HMCN1: variants seen among roughly 807,000 people sequenced by gnomAD.
The protein encoded by HMCN1 is hemicentin 1.
Under a neutral mutation model 625.9 loss-of-function variants are expected in HMCN1, and 321 were observed. That is an observed-to-expected ratio of 0.51 (90% CI 0.47 to 0.56). HMCN1 has a LOEUF of 0.56. Among genes scored for constraint, HMCN1 ranks in the 20% least tolerant of loss-of-function variants. HMCN1 has a pLI of 0.00. For missense variants in HMCN1, 6,588 were observed against 6,887.3 expected (o/e 0.96, Z 1.54); for synonymous variants, 2,425 against 2,417.6 (o/e 1.00, Z -0.09).
chr1:185,923,835 C>G (rs925098316), intron 8 of HMCN1, among the ~76,000 whole-genome samples, 182 bp downstream of exon 8: 2 of 152,118 alleles, frequency 1.3e-5, no homozygotes, highest in East Asian at 3.8e-4. Flanking sequence ...ATAGCACATC[C>G]AAAGTTTCAT....
intron 10 of HMCN1, among the ~76,000 whole-genome samples, chr1:185,930,749 T>A (rs1216404159): frequency 6.6e-6 from 1 of 152,132 alleles, no homozygotes; most frequent in Admixed American, 6.6e-5. Context: ...GCAATGTTCT[T>A]CTCTTTTATT....
chr1:185,822,664 TTGAATATCAATTTTAG>T (rs1300370562), intron 1 of HMCN1, among the ~76,000 whole-genome samples: 1 of 152,208 alleles, frequency 6.6e-6, no homozygotes, highest in African/African-American at 2.4e-5. Context: ...TATTATTTTG[TTGAATATCAATTTTAG>T]TGAGATTCAA....
In HMCN1 at chr1:186,178,777, G is replaced by A. The variant is rs1652758591; in HGVS notation, c.16294+11G>A. 1.3e-6 allele frequency: 2 copies of A among 1,546,908 alleles called. No homozygotes were observed. Among genetic ancestry groups the A allele is most frequent in the South Asian group, 1.1e-5 (1 of 89,618 alleles). On this transcript the variant is annotated intron_variant, in intron 104 of 106. Coordinates refer to ENST00000271588, the MANE Select transcript of HMCN1 (RefSeq NM_031935.3). ...ATGACACATGTGTAGGTAAATGTCA[G>A]CCATATTACATTTCCTTTCTGTGGG...
At chr1:185,900,923 G>A (rs983716243) in intron 4 of HMCN1, among the ~76,000 whole-genome samples, 1 of 151,846 alleles carries the variant, frequency 6.6e-6, no homozygotes, top group Non-Finnish European at 1.5e-5. Context: ...CAATCAAAAT[G>A]AGTGCAAACC....
At chr1:186,009,565 C>T (rs556076571) in intron 30 of HMCN1, among the ~76,000 whole-genome samples, 38 of 152,124 alleles carry the variant, frequency 2.5e-4, no homozygotes, top group African/African-American at 8.7e-4. Flanking sequence ...GAGTGTGTTT[C>T]ATACTACACT....
chr1:185,891,242 T>C (rs1463618655), intron 4 of HMCN1, among the ~76,000 whole-genome samples: 1 of 138,146 alleles, frequency 7.2e-6, no homozygotes, highest in East Asian at 2.0e-4. Flanking sequence ...TACAGCACAC[T>C]GATGGGTCTT....
At chr1:185,832,255 C>G (rs1660913488) in intron 1 of HMCN1, among the ~76,000 whole-genome samples, 1 of 151,998 alleles carries the variant, frequency 6.6e-6, no homozygotes, top group South Asian at 2.1e-4. Flanking sequence ...GAGATCACAC[C>G]ACTGCACTCC....
chr1:185,863,290 A>G (rs544202345), intron 2 of HMCN1, among the ~76,000 whole-genome samples: 1 of 152,246 alleles, frequency 6.6e-6, no homozygotes, highest in South Asian at 2.1e-4. Flanking sequence ...AGGACAAGGT[A>G]TTTTAGCTTA....
intron 86 of HMCN1, among the ~76,000 whole-genome samples, chr1:186,135,375 T>C (rs1216283599): frequency 1.3e-5 from 2 of 152,192 alleles, no homozygotes; most frequent in African/African-American, 2.4e-5. Flanking sequence ...ATCTCTTAAA[T>C]AATGCTGTTG....
intron 4 of HMCN1, among the ~76,000 whole-genome samples, chr1:185,882,994 G>A (rs1222214515): frequency 6.6e-6 from 1 of 152,028 alleles, no homozygotes; most frequent in Non-Finnish European, 1.5e-5. Context: ...TATAGTGCCA[G>A]ATTGTGAGCT....
intron 46 of HMCN1, among the ~76,000 whole-genome samples, chr1:186,061,339 T>C (rs963313328): frequency 1.1e-4 from 16 of 152,064 alleles, no homozygotes; most frequent in Non-Finnish European, 5.9e-5. Flanking sequence ...TGTCAAACGC[T>C]TATGAAACCA....
In HMCN1 at chr1:186,106,944, G is replaced by C; in HGVS notation, c.10831G>C (p.Glu3611Gln). ...ASSPAGDDDK[E>Q]YLVRVHVPPN... Reference sequence around the variant, plus strand: ...CAGTCCTGCAGGAGATGATGATAAGGAATATCTAGTGAGAGTGCATGGTAA... The same window carrying C: ...CAGTCCTGCAGGAGATGATGATAAGCAATATCTAGTGAGAGTGCATGGTAA... The change falls in exon 70 of 107, where the codon GAA (glutamate) becomes CAA (glutamine). Residue 3611 changes from glutamate to glutamine, a missense_variant. Physicochemically the swap from Glu to Gln is conservative, Grantham distance 29. Coordinates refer to ENST00000271588, the MANE Select transcript of HMCN1 (RefSeq NM_031935.3). 1 of 1,610,888 alleles carries C rather than the reference G, an allele frequency of 6.2e-7. No individual in the cohort carries two copies. Among genetic ancestry groups the C allele is most frequent in the Non-Finnish European group, 8.5e-7 (1 of 1,177,090 alleles).
intron 68 of HMCN1, 144 bp from the exon 69 acceptor site, chr1:186,103,328 A>G: frequency 2.9e-6 from 2 of 683,760 alleles, no homozygotes; most frequent in South Asian, 3.5e-5. Context: ...AATGGTAATG[A>G]CATCTAGGAA....
chr1:186,000,559 A>G lies in HMCN1; in HGVS notation c.4069+320A>G, dbSNP rs113767672. ...GCGTGTAGGGTGTGTGTGTGTGTGT[A>G]TGTGTGTGTGTGTGTGTGTGTGTGT... On this transcript the variant is annotated intron_variant, in intron 26 of 106. Coordinates refer to ENST00000271588, the MANE Select transcript of HMCN1 (RefSeq NM_031935.3). 1.3e-3 allele frequency among the ~76,000 whole-genome samples: 195 copies of G among 144,726 alleles called. 1 individual carries two copies. Among genetic ancestry groups the G allele is most frequent in the African/African-American group, 3.4e-3 (133 of 39,676 alleles). The allele number at this position is 144,726 out of a possible 152,430, so 94.9% of individuals were successfully genotyped here.
intron 1 of HMCN1, among the ~76,000 whole-genome samples, chr1:185,813,338 A>G (rs1303190000): frequency 2.6e-5 from 4 of 152,164 alleles, no homozygotes. Flanking sequence ...TTGTTTGGTC[A>G]TCAAAAGCAA....
intron 4 of HMCN1, among the ~76,000 whole-genome samples, chr1:185,887,875 A>G (rs1244319681): frequency 7.0e-6 from 1 of 142,020 alleles, no homozygotes; most frequent in Non-Finnish European, 1.6e-5. Flanking sequence ...TCCCTGACGA[A>G]TCGCCACACT....
intron 57 of HMCN1, among the ~76,000 whole-genome samples, chr1:186,083,872 G>C (rs1659319096): frequency 6.6e-6 from 1 of 152,156 alleles, no homozygotes; most frequent in African/African-American, 2.4e-5. Context: ...TGCTTAATAA[G>C]TGTCCTTGAA....
intron 69 of HMCN1, 64 bp from the exon 70 acceptor site, chr1:186,106,820 T>C (rs1660631824): frequency 8.8e-7 from 1 of 1,135,950 alleles, no homozygotes; most frequent in South Asian, 1.2e-5. Context: ...TTCTAGTGGA[T>C]ATTTATTTTA....
At chr1:186,120,184 G>T in intron 80 of HMCN1, 39 bp downstream of exon 80, 1 of 1,602,146 alleles carries the variant, frequency 6.2e-7, no homozygotes, top group South Asian at 1.1e-5. Flanking sequence ...ATTCAAAGAT[G>T]TTTGTAACAA....
Sources: allele counts gnomAD v4.1 joint callset (sites outside exome capture counted in the v4.1 genomes callset), GRCh38; gene constraint gnomAD v4.1.1; transcripts MANE v1.5; gene names NCBI Gene and HGNC (gene_info 2026-07-23, HGNC 2026-07-21).